The following TUFT1 variants were observed in gnomAD, a reference collection of about 807,000 sequenced individuals.
TUFT1 encodes tuftelin 1.
TUFT1 carries 43 observed loss-of-function variants against 57.8 expected under a neutral mutation model. The observed-to-expected ratio is 0.74, with a 90% CI of 0.58 to 0.96. The LOEUF (loss-of-function observed/expected upper bound fraction) is 0.96, where lower values mean the gene tolerates loss of function less well. Among genes scored for constraint, TUFT1 ranks in the 40% least tolerant of loss-of-function variants. The pLI is 0.00. For missense variants in TUFT1, 459 were observed against 489.0 expected (o/e 0.94, Z 0.58); for synonymous variants, 166 against 176.7 (o/e 0.94, Z 0.48).
At position 151,574,278 on chromosome 1, in the gene TUFT1, C is replaced by G. The variant is rs368453841; in HGVS notation, c.603C>G (p.Leu201=). The G allele has an allele frequency of 1.6e-5, 26 of 1,613,730 alleles. No individual in the cohort carries two copies. Among genetic ancestry groups the G allele is most frequent in the Non-Finnish European group, 7.6e-6 (9 of 1,179,906 alleles). The stretch of plus-strand genomic sequence containing the variant: ...CCTGCTCCGTGTTTTAGGTCACACT[C>G]AGCCGGTACCAGAGGGAAGCAGAAC... The part of the protein sequence containing the change: ...QSDCVAFEVT[L]SRYQREAEQS... Residue 201 remains leucine (L), a synonymous_variant, in exon 8 of 13, where the codon CTC becomes CTG. Coordinates refer to ENST00000368849, the MANE Select transcript of TUFT1 (RefSeq NM_020127.3).
intron 11 of TUFT1, 122 bp downstream of exon 11, chr1:151,579,854 T>A: frequency 1.0e-6 from 1 of 970,810 alleles, no homozygotes; most frequent in Non-Finnish European, 1.5e-6. Flanking sequence ...AGTGAATACC[T>A]AGGGTGGTTG....
intron 7 of TUFT1, 108 bp downstream of exon 7, chr1:151,569,878 A>G: frequency 3.3e-6 from 3 of 901,098 alleles, no homozygotes; most frequent in Non-Finnish European, 5.4e-6. Context: ...GAGTGCCACA[A>G]ACTGGAAAGG....
chr1:151,572,505 G>A (rs993883539), intron 7 of TUFT1, among the ~76,000 whole-genome samples: 3 of 151,980 alleles, frequency 2.0e-5, no homozygotes, highest in South Asian at 2.1e-4. Flanking sequence ...ATAAATAAAT[G>A]TACATAAATA....
At position 151,540,319 on chromosome 1, in the gene TUFT1, A is replaced by G. The variant is rs1571676724; in HGVS notation, c.-48A>G. On this transcript the variant is annotated 5_prime_UTR_variant, in exon 1 of 13. Transcript: ENST00000368849. ...CGCGCGCGCCCGCCCAGTTGGAGCC[A>G]GACAGCGGGGTGGACAAGTGGCGTG... The G allele has an allele frequency of 1.9e-6, 3 of 1,613,272 alleles. No individual in the cohort carries two copies. Among genetic ancestry groups the G allele is most frequent in the Non-Finnish European group, 2.5e-6 (3 of 1,179,492 alleles).
At chr1:151,573,855 G>A (rs1666350829) in intron 7 of TUFT1, among the ~76,000 whole-genome samples, 1 of 152,228 alleles carries the variant, frequency 6.6e-6, no homozygotes, top group East Asian at 1.9e-4. Flanking sequence ...GGAAGTGAGA[G>A]GGGAGGTGTT....
In TUFT1 at chr1:151,583,517, A is replaced by T. The variant is rs1666705641; in HGVS notation, c.*1810A>T. ...GATATCCATGTTTCTTCCCTTTCTG[A>T]TATTGTTGTCTGTGGCATATTCTTT... On this transcript the variant is annotated 3_prime_UTR_variant, in exon 13 of 13. Coordinates refer to ENST00000368849, the MANE Select transcript of TUFT1 (RefSeq NM_020127.3). 6.6e-6 allele frequency: 1 copy of T among 151,980 alleles called. No homozygotes were observed. Among genetic ancestry groups the T allele is most frequent in the African/African-American group, 2.4e-5 (1 of 41,342 alleles). The allele number at this position is 151,980 out of a possible 1,614,324, so 9.4% of individuals were successfully genotyped here.
At chr1:151,579,196 A>G (rs1333295983) in intron 10 of TUFT1, among the ~76,000 whole-genome samples, 2 of 152,178 alleles carry the variant, frequency 1.3e-5, no homozygotes, top group East Asian at 1.9e-4. Context: ...GCTTGAGGGT[A>G]GCATACTTAG....
intron 9 of TUFT1, among the ~76,000 whole-genome samples, chr1:151,576,826 T>G (rs1262467201): frequency 6.6e-6 from 1 of 152,184 alleles, no homozygotes; most frequent in African/African-American, 2.4e-5. Flanking sequence ...GGTTTCACCA[T>G]GTCGGCCAGG....
At chr1:151,565,975 T>A (rs1666058373) in intron 5 of TUFT1, 188 bp from the exon 6 acceptor site, 4 of 495,808 alleles carry the variant, frequency 8.1e-6, no homozygotes, top group Non-Finnish European at 1.5e-5. Flanking sequence ...TCCTTCTTCC[T>A]CTTCTCCTTT....
intron 1 of TUFT1, chr1:151,557,886 C>T (rs1012723680): frequency 4.0e-5 from 29 of 717,998 alleles, no homozygotes; most frequent in African/African-American, 2.8e-4. Context: ...GGTCAGCAAC[C>T]GAATTCCAGT....
At chr1:151,570,926 C>G (rs1169747121) in intron 7 of TUFT1, among the ~76,000 whole-genome samples, 1 of 152,120 alleles carries the variant, frequency 6.6e-6, no homozygotes, top group African/African-American at 2.4e-5. Flanking sequence ...AGGCTGGTCT[C>G]AAACTCCAAG....
intron 8 of TUFT1, 63 bp from the exon 9 acceptor site, chr1:151,574,848 T>A: frequency 7.0e-7 from 1 of 1,430,476 alleles, no homozygotes; most frequent in Non-Finnish European, 9.6e-7. Context: ...GCGCCCATCT[T>A]AGCCCAAACG....
intron 1 of TUFT1, among the ~76,000 whole-genome samples, chr1:151,549,510 A>C (rs1665444883): frequency 6.6e-6 from 1 of 152,208 alleles, no homozygotes; most frequent in Non-Finnish European, 1.5e-5. Flanking sequence ...GCTACTTGGG[A>C]AAGTAATGCT....
intron 1 of TUFT1, among the ~76,000 whole-genome samples, chr1:151,544,487 G>A (rs1490588800): frequency 6.6e-6 from 1 of 152,178 alleles, no homozygotes; most frequent in Non-Finnish European, 1.5e-5. Context: ...ACTAGAGATG[G>A]GGTTTCATCA....
intron 9 of TUFT1, among the ~76,000 whole-genome samples, chr1:151,575,237 A>C (rs1008538720): frequency 6.6e-6 from 1 of 152,224 alleles, no homozygotes; most frequent in African/African-American, 2.4e-5. Flanking sequence ...AATAACCTAA[A>C]GAAAAGGCTT....
intron 9 of TUFT1, among the ~76,000 whole-genome samples, chr1:151,576,061 G>T (rs749228532): frequency 6.6e-6 from 1 of 152,220 alleles, no homozygotes; most frequent in Non-Finnish European, 1.5e-5. Flanking sequence ...GGGAATGGCA[G>T]TGACAGCTGT....
At chr1:151,558,533 T>C (rs1044323084) in intron 1 of TUFT1, among the ~76,000 whole-genome samples, 1 of 152,112 alleles carries the variant, frequency 6.6e-6, no homozygotes, top group African/African-American at 2.4e-5. Context: ...TTTTTGGTCA[T>C]TATTTCTTTG....
chr1:151,558,040 C>A, intron 1 of TUFT1: 1 of 374,064 alleles, frequency 2.7e-6, no homozygotes, highest in South Asian at 2.1e-5. Context: ...GTTGTATTTA[C>A]CCATCTTTTT....
chr1:151,579,366 TTGAA>T (rs1451309877), intron 10 of TUFT1, among the ~76,000 whole-genome samples: 1 of 152,232 alleles, frequency 6.6e-6, no homozygotes, highest in African/African-American at 2.4e-5. Context: ...TAAATATGTC[TTGAA>T]TGAAAAAATA....
Sources: allele counts gnomAD v4.1 joint callset (sites outside exome capture counted in the v4.1 genomes callset), GRCh38; gene constraint gnomAD v4.1.1; transcripts MANE v1.5; gene names NCBI Gene and HGNC (gene_info 2026-07-23, HGNC 2026-07-21).